RAP1GDS1: variants seen among roughly 807,000 people sequenced by gnomAD.
The protein encoded by RAP1GDS1 is RAP1, GTP-GDP dissociation stimulator 1.
RAP1GDS1 carries 35 observed loss-of-function variants against 71.1 expected under a neutral mutation model. That is an observed-to-expected ratio of 0.49 (90% CI 0.38 to 0.65). The LOEUF (loss-of-function observed/expected upper bound fraction) is 0.65. Ranked by LOEUF, RAP1GDS1 falls within the 30% of genes least tolerant of loss-of-function variation. RAP1GDS1 has a pLI of 0.00. For synonymous variants in RAP1GDS1, 229 were observed against 243.1 expected (o/e 0.94, Z 0.54); for missense variants, 663 against 706.1 (o/e 0.94, Z 0.69).
chr4:98,264,729 T>G (rs150014043), intron 1 of RAP1GDS1, among the ~76,000 whole-genome samples: 1 of 152,174 alleles, frequency 6.6e-6, no homozygotes, highest in Non-Finnish European at 1.5e-5. Flanking sequence ...AGAGAACGTT[T>G]TAGAGAAATG....
At chr4:98,382,528 T>C (rs1489054911) in intron 5 of RAP1GDS1, among the ~76,000 whole-genome samples, 1 of 151,512 alleles carries the variant, frequency 6.6e-6, no homozygotes, top group African/African-American at 2.4e-5. Context: ...TGTTACAACT[T>C]TAGTTATTCT....
chr4:98,273,063 T>G (rs1045593456), intron 1 of RAP1GDS1, among the ~76,000 whole-genome samples: 1 of 152,180 alleles, frequency 6.6e-6, no homozygotes, highest in Non-Finnish European at 1.5e-5. Context: ...TTGCTCTCAA[T>G]TGGTCATTGT....
intron 5 of RAP1GDS1, among the ~76,000 whole-genome samples, chr4:98,385,736 G>A (rs1471128195): frequency 2.6e-5 from 4 of 151,792 alleles, no homozygotes; most frequent in Admixed American, 1.3e-4. Context: ...TTTTTGCCTT[G>A]CAAATAACTT....
chr4:98,374,715 G>C (rs1039404099), intron 4 of RAP1GDS1, among the ~76,000 whole-genome samples: 5 of 152,182 alleles, frequency 3.3e-5, no homozygotes, highest in Admixed American at 1.3e-4. Flanking sequence ...CTTGAGTGCA[G>C]TATGTTCTTC....
chr4:98,278,422 A>G lies in RAP1GDS1; in HGVS notation c.5-14986A>G, dbSNP rs544177173. Among the ~76,000 whole-genome samples the G allele has an allele frequency of 3.3e-5, 5 of 152,304 alleles. No individual in the cohort carries two copies. The South Asian group carries it at 8.3e-4, about 25-fold the overall frequency. ...AAAATTACTGTAAAGTTGAATTTAT[A>G]TTACTTTTTGAAAATTAATATTTTA... On this transcript the variant is annotated intron_variant, in intron 1 of 14. Coordinates refer to ENST00000408927, the MANE Select transcript of RAP1GDS1 (RefSeq NM_001100427.2).
At chr4:98,353,779 G>T (rs1411864015) in intron 4 of RAP1GDS1, among the ~76,000 whole-genome samples, 1 of 151,926 alleles carries the variant, frequency 6.6e-6, no homozygotes, top group Non-Finnish European at 1.5e-5. Context: ...TTATCATAGG[G>T]TATTAGCTTT....
chr4:98,384,918 T>A (rs1742518956), intron 5 of RAP1GDS1, among the ~76,000 whole-genome samples: 1 of 151,762 alleles, frequency 6.6e-6, no homozygotes, highest in African/African-American at 2.4e-5. Flanking sequence ...TTTAATATCA[T>A]AATACCACAT....
chr4:98,390,374 A>G (rs1743431598), intron 5 of RAP1GDS1, among the ~76,000 whole-genome samples: 1 of 152,154 alleles, frequency 6.6e-6, no homozygotes, highest in Non-Finnish European at 1.5e-5. Flanking sequence ...TTTAATTCTT[A>G]TCTCCTTTTA....
chr4:98,288,444 G>A (rs924309412), intron 1 of RAP1GDS1, among the ~76,000 whole-genome samples: 17 of 152,106 alleles, frequency 1.1e-4, no homozygotes, highest in Non-Finnish European at 2.2e-4. Context: ...TTGGACATTT[G>A]GGTTGGTTCC....
chr4:98,269,419 A>AT (rs1723144659), intron 1 of RAP1GDS1, among the ~76,000 whole-genome samples: 1 of 152,130 alleles, frequency 6.6e-6, no homozygotes. Flanking sequence ...GTTGGCAATG[A>AT]TTTTTTGTTT....
rs185294067 is a variant in RAP1GDS1, at chr4:98,394,683, C to T, written c.637+2603C>T. 1.8e-3 allele frequency among the ~76,000 whole-genome samples: 278 copies of T among 152,012 alleles called. 2 individuals carry two copies. Among genetic ancestry groups the T allele is most frequent in the African/African-American group, 6.0e-3 (248 of 41,472 alleles). On this transcript the variant is annotated intron_variant, in intron 6 of 14. Transcript: ENST00000408927. ...GAGGAAAATTCATTTATCTAAGTTACGAACACATGAATATTGAAGTATTTT... is the reference window on the plus strand; with the variant it reads ...GAGGAAAATTCATTTATCTAAGTTATGAACACATGAATATTGAAGTATTTT...
At chr4:98,387,406 A>T in intron 5 of RAP1GDS1, 1 of 455,524 alleles carries the variant, frequency 2.2e-6, no homozygotes. Context: ...AGGGGGGAAA[A>T]GGTTCCTCAA....
At chr4:98,326,939 G>C (rs1733200000) in intron 2 of RAP1GDS1, among the ~76,000 whole-genome samples, 1 of 152,146 alleles carries the variant, frequency 6.6e-6, no homozygotes, top group Non-Finnish European at 1.5e-5. Flanking sequence ...AAGCTAGTCT[G>C]ATGACAGTGC....
intron 6 of RAP1GDS1, 101 bp downstream of exon 6, chr4:98,392,181 ATTAGT>A (rs1488795335): frequency 8.9e-6 from 10 of 1,124,726 alleles, no homozygotes; most frequent in Middle Eastern, 2.8e-4. Flanking sequence ...TTTAGATTGT[ATTAGT>A]TTATTTTTTG....
At chr4:98,261,651 C>A (rs1269637839) in intron 1 of RAP1GDS1, 82 bp downstream of exon 1, 4 of 1,494,454 alleles carry the variant, frequency 2.7e-6, no homozygotes, top group East Asian at 2.4e-5. Flanking sequence ...ATTTCTCGCG[C>A]AAAGTTGCCG....
intron 1 of RAP1GDS1, among the ~76,000 whole-genome samples, chr4:98,286,083 A>G (rs1001131480): frequency 2.6e-5 from 4 of 151,630 alleles, no homozygotes; most frequent in Non-Finnish European, 5.9e-5. Context: ...CCTGGGCAAC[A>G]TAGAAAGACT....
chr4:98,345,711 T>C (rs1736147380), intron 3 of RAP1GDS1, among the ~76,000 whole-genome samples: 1 of 152,208 alleles, frequency 6.6e-6, no homozygotes, highest in South Asian at 2.1e-4. Context: ...GAGATAGAGT[T>C]ATTTTATACA....
intron 7 of RAP1GDS1, among the ~76,000 whole-genome samples, chr4:98,415,434 T>A (rs549236103): frequency 6.6e-6 from 1 of 152,294 alleles, no homozygotes; most frequent in Non-Finnish European, 1.5e-5. Context: ...CATAAGAAAT[T>A]ATGAGTATTA....
At chr4:98,361,209 A>C (rs2110441919) in intron 4 of RAP1GDS1, among the ~76,000 whole-genome samples, 1 of 152,068 alleles carries the variant, frequency 6.6e-6, no homozygotes, top group South Asian at 2.1e-4. Context: ...GCTCTCACAC[A>C]CACACATATA....
Sources: allele counts gnomAD v4.1 joint callset (sites outside exome capture counted in the v4.1 genomes callset), GRCh38; gene constraint gnomAD v4.1.1; transcripts MANE v1.5; gene names NCBI Gene and HGNC (gene_info 2026-07-23, HGNC 2026-07-21).